Variants in CAMTA1 observed in about 807,000 individuals in gnomAD.
CAMTA1 encodes the protein calmodulin-binding transcription activator 1.
A neutral mutation model predicts 170.9 loss-of-function variants in CAMTA1; 27 were observed. The observed-to-expected ratio is 0.16, with a 90% CI of 0.12 to 0.22. The LOEUF is 0.22. Ranked by LOEUF, CAMTA1 falls within the 10% of genes least tolerant of loss-of-function variation. The pLI, the probability that CAMTA1 is intolerant of heterozygous loss-of-function variation, is 1.00. For synonymous variants in CAMTA1, 833 were observed against 891.5 expected (o/e 0.93, Z 1.17); for missense variants, 1,619 against 2,217.2 (o/e 0.73, Z 5.42).
At chr1:6,928,037 C>T (rs1020776249) in intron 3 of CAMTA1, among the ~76,000 whole-genome samples, 15 of 152,298 alleles carry the variant, frequency 9.8e-5, no homozygotes, top group African/African-American at 2.4e-4. Context: ...CCACTCTCTC[C>T]GCTCCCCTGC....
chr1:7,643,240 C>T (rs550478854), intron 7 of CAMTA1, among the ~76,000 whole-genome samples: 1 of 152,324 alleles, frequency 6.6e-6, no homozygotes, highest in Admixed American at 6.5e-5. Context: ...GAAGGAATTC[C>T]TCTTGTCAGA....
chr1:7,726,463 A>ATTG (rs2096687303), intron 11 of CAMTA1, among the ~76,000 whole-genome samples: 1 of 133,732 alleles, frequency 7.5e-6, no homozygotes, highest in Non-Finnish European at 1.7e-5. Context: ...TGAGGTTTGT[A>ATTG]TTGATACCTA....
chr1:7,218,032 A>G (rs1660067023), intron 4 of CAMTA1, among the ~76,000 whole-genome samples: 1 of 152,140 alleles, frequency 6.6e-6, no homozygotes, highest in African/African-American at 2.4e-5. Flanking sequence ...CAATTCTCCC[A>G]TATTTTAAAC....
At chr1:7,503,777 G>T (rs1193504426) in intron 6 of CAMTA1, among the ~76,000 whole-genome samples, 3 of 152,194 alleles carry the variant, frequency 2.0e-5, no homozygotes, top group Non-Finnish European at 2.9e-5. Flanking sequence ...TGTGTAGCCT[G>T]CCCACCCACA....
At chr1:7,500,280 A>G (rs6673864) in intron 6 of CAMTA1, among the ~76,000 whole-genome samples, 38,448 of 81,070 alleles carry the variant, frequency 0.47, 11,215 homozygotes, top group East Asian at 0.73. Context: ...GTGTGCGTGC[A>G]TATGTATATG....
intron 5 of CAMTA1, among the ~76,000 whole-genome samples, chr1:7,379,715 A>C (rs2087127238): frequency 6.6e-6 from 1 of 152,236 alleles, no homozygotes; most frequent in Admixed American, 6.5e-5. Flanking sequence ...ACTGGCAGGC[A>C]GCATTAAAAG....
rs34654424 is a variant in CAMTA1, at chr1:7,769,003, AT to A, written c.*2522del. 31,940 of 149,628 alleles carry A rather than the reference AT, an allele frequency of 0.21. 3,469 individuals are homozygous for A. The highest frequency in any genetic ancestry group is 0.28 in the South Asian group (1,314 of 4,762). 9.3% of individuals were successfully genotyped at this position (149,628 alleles called of 1,614,324 possible). ...TCAGTGGATTTGCTTTAACCCTCACATTTTTTTTTTAATGTTTCACATGTTA... is the reference window on the plus strand; with the variant it reads ...TCAGTGGATTTGCTTTAACCCTCACATTTTTTTTTAATGTTTCACATGTTA... On this transcript the variant is annotated 3_prime_UTR_variant, in exon 23 of 23. Transcript: ENST00000303635.
At chr1:7,668,972 G>A (rs2149204464) in intron 9 of CAMTA1, among the ~76,000 whole-genome samples, 1 of 152,154 alleles carries the variant, frequency 6.6e-6, no homozygotes, top group Non-Finnish European at 1.5e-5. Context: ...CTGTCCGCCG[G>A]CACTCTTCTC....
At chr1:7,022,164 G>A (rs1701444929) in intron 3 of CAMTA1, among the ~76,000 whole-genome samples, 1 of 152,212 alleles carries the variant, frequency 6.6e-6, no homozygotes, top group Non-Finnish European at 1.5e-5. Flanking sequence ...TTACCCTTGA[G>A]ATTTAGTTTG....
chr1:6,940,254 C>G (rs1159303414), intron 3 of CAMTA1, among the ~76,000 whole-genome samples: 1 of 152,200 alleles, frequency 6.6e-6, no homozygotes, highest in Non-Finnish European at 1.5e-5. Flanking sequence ...AACTGGAAAC[C>G]CAGGAGAGCT....
intron 3 of CAMTA1, among the ~76,000 whole-genome samples, chr1:7,051,856 G>A (rs1706427337): frequency 6.6e-6 from 1 of 152,090 alleles, no homozygotes; most frequent in Non-Finnish European, 1.5e-5. Context: ...TTCCTGTAGG[G>A]CTCTGTACGC....
chr1:6,860,440 C>G (rs1664238993), intron 3 of CAMTA1, among the ~76,000 whole-genome samples: 1 of 152,120 alleles, frequency 6.6e-6, no homozygotes, highest in Non-Finnish European at 1.5e-5. Context: ...GTTGCCATTA[C>G]CATGTGCTAA....
intron 5 of CAMTA1, among the ~76,000 whole-genome samples, chr1:7,423,040 C>T (rs778746684): frequency 2.6e-5 from 4 of 151,978 alleles, no homozygotes; most frequent in Admixed American, 6.5e-5. Flanking sequence ...AATCAGGAGC[C>T]GATTACTACC....
rs779775105 is a variant in CAMTA1, at chr1:7,664,355, G to C, written c.1808G>C (p.Gly603Ala). ...TACACGTCCAGCTTCAGCCAGACGG[G>C]CCACAGCCCCCACATCCACCAGACC... ...KDYTSSFSQT[G>A]HSPHIHQTPS... Residue 603 changes from glycine to alanine, a missense_variant, in exon 9 of 23, where the codon GGC (glycine) becomes GCC (alanine). Gly to Ala is a moderately conservative substitution (Grantham distance 60). Coordinates refer to ENST00000303635, the MANE Select transcript of CAMTA1 (RefSeq NM_015215.4). The C allele has an allele frequency of 1.3e-5, 21 of 1,613,542 alleles. No homozygotes were observed. The South Asian group carries it at 2.3e-4, about 18-fold the overall frequency.
intron 5 of CAMTA1, among the ~76,000 whole-genome samples, chr1:7,423,422 T>C (rs953594349): frequency 1.3e-5 from 2 of 149,568 alleles, no homozygotes; most frequent in African/African-American, 5.0e-5. Flanking sequence ...TGAGCCAAGA[T>C]TGTGCCACTG....
At chr1:7,475,289 C>T (rs2093402657) in intron 6 of CAMTA1, among the ~76,000 whole-genome samples, 1 of 152,188 alleles carries the variant, frequency 6.6e-6, no homozygotes, top group Non-Finnish European at 1.5e-5. Flanking sequence ...CCTTCTACTG[C>T]CATCTATCGC....
At chr1:7,379,880 C>T (rs573507038) in intron 5 of CAMTA1, among the ~76,000 whole-genome samples, 75 of 152,338 alleles carry the variant, frequency 4.9e-4, no homozygotes, top group Non-Finnish European at 7.9e-4. Flanking sequence ...AGCCTGTCTG[C>T]GTGCGTCTGC....
intron 5 of CAMTA1, among the ~76,000 whole-genome samples, chr1:7,257,241 T>G (rs1026457587): frequency 1.3e-5 from 2 of 152,308 alleles, no homozygotes; most frequent in East Asian, 3.9e-4. Flanking sequence ...CGCATCATCT[T>G]ATCTGCATCA....
rs1681192252 is a variant in CAMTA1 at position 6,917,915 on chromosome 1, A to T, written c.234+92705A>T. Among the ~76,000 whole-genome samples, 6 of 151,606 alleles carry T rather than the reference A, an allele frequency of 4.0e-5. 1 individual carries two copies. The South Asian group carries it at 1.2e-3, about 31-fold the overall frequency. On this transcript the variant is annotated intron_variant, in intron 3 of 22. Coordinates refer to ENST00000303635, the MANE Select transcript of CAMTA1 (RefSeq NM_015215.4). ...CAAGGGACAGTATTTCAGCAGGTGG[A>T]GGCCATGGGTCACAGCGAAGACGTT...
Sources: gnomAD v4.1 joint callset for allele counts (sites outside exome capture counted in the v4.1 genomes callset) on GRCh38, gnomAD v4.1.1 for gene constraint, MANE v1.5 for transcripts, NCBI Gene and HGNC (gene_info 2026-07-23, HGNC 2026-07-21) for gene names.